FAT2: variants seen among roughly 807,000 people sequenced by gnomAD.
FAT2 encodes protocadherin Fat 2.
A neutral mutation model predicts 295.3 loss-of-function variants in FAT2; 150 were observed. The observed-to-expected ratio is 0.51, with a 90% confidence interval of 0.44 to 0.58. The LOEUF (loss-of-function observed/expected upper bound fraction) is 0.58. FAT2 is among the 20% of genes least tolerant of loss of function. The pLI is 0.00. For missense variants in FAT2, 4,868 were observed against 5,442.7 expected, an observed-to-expected ratio of 0.89 and a Z score of 3.32; for synonymous variants, 2,026 against 2,150.3, an observed-to-expected ratio of 0.94 and a Z score of 1.60.
rs118148786 is a variant in FAT2, at chr5:151,566,112, G to C, written c.2820C>G (p.Pro940=). The C allele has an allele frequency of 6.2e-7, 1 of 1,614,026 alleles. No individual in the cohort carries two copies. Among genetic ancestry groups the C allele is most frequent in the Non-Finnish European group, 8.5e-7 (1 of 1,179,954 alleles). ...CATCCAGAAATGTCAAGACAGTCCC[G>C]GGGGGCAGGTCCTCTGGAACCTTCA... ...NRLKVPEDLP[P]GTVLTFLDAS... is the part of the protein sequence containing the mutation. Residue 940 remains proline, a synonymous_variant, in exon 2 of 24, where the codon CCC becomes CCG. Coordinates refer to ENST00000261800, the MANE Select transcript of FAT2 (RefSeq NM_001447.3).
intron 16 of FAT2, 139 bp from the exon 17 acceptor site, chr5:151,527,516 T>A (rs758038422): frequency 1.5e-5 from 11 of 733,986 alleles, no homozygotes; most frequent in Non-Finnish European, 1.9e-5. Context: ...ACCCGTAGCA[T>A]TTTAGGGCTT....
In FAT2 at chr5:151,531,247, T is replaced by G. The variant is rs1754560174; in HGVS notation, c.9811+340A>C. Among the ~76,000 whole-genome samples the G allele has an allele frequency of 6.6e-6, 1 of 152,182 alleles. No individual in the cohort carries two copies. On this transcript the variant is annotated intron_variant, in intron 14 of 23. Transcript: ENST00000261800. The surrounding 1 kb of genome is among the most constrained non-coding windows in gnomAD (Gnocchi z 5.7). ...CAGATTCCAGCAAGGGCTCCCTGCC[T>G]CTGCAGCCAAGCCGTTTCTGCCTCC... is the stretch of plus-strand genomic sequence containing the variant.
intron 1 of FAT2, among the ~76,000 whole-genome samples, chr5:151,580,038 CTG>C (rs1219989251): frequency 6.6e-6 from 1 of 152,174 alleles, no homozygotes; most frequent in Non-Finnish European, 1.5e-5. Flanking sequence ...AGTCCAAGCT[CTG>C]TTTAATAAAG....
chr5:151,542,195 A>G, intron 10 of FAT2, 90 bp downstream of exon 10: 1 of 1,315,600 alleles, frequency 7.6e-7, no homozygotes, highest in Non-Finnish European at 1.0e-6. Context: ...ATAAGTGGCA[A>G]ATCCAGGACA....
Position 151,521,489 on chromosome 5 carries a change from T to C in FAT2, c.11104A>G (p.Ile3702Val), listed in dbSNP as rs372071431. ...ATCTCCTTGGCTGAGTGAGTGATGA[T>C]GGATGCTAGCTCCTGAAACTCGTAG... ...TFYEFQELAS[I>V]ITHSAKEMEH... Residue 3702 changes from isoleucine to valine, a missense_variant, in exon 19 of 24, where the codon ATC becomes GTC. Physicochemically the swap from Ile to Val is conservative, Grantham distance 29. Transcript: ENST00000261800. 1 of 1,614,230 alleles carries C rather than the reference T, an allele frequency of 6.2e-7. No individual in the cohort carries two copies. Among genetic ancestry groups the C allele is most frequent in the Non-Finnish European group, 8.5e-7 (1 of 1,180,030 alleles).
At chr5:151,534,324 C>A in intron 13 of FAT2, 85 bp downstream of exon 13, 1 of 1,109,560 alleles carries the variant, frequency 9.0e-7, no homozygotes, top group African/African-American at 1.6e-5. Flanking sequence ...CTTACCAGTC[C>A]TAGAGAGACA....
intron 20 of FAT2, among the ~76,000 whole-genome samples, chr5:151,516,526 T>G (rs1406389247): frequency 5.3e-5 from 8 of 151,918 alleles, no homozygotes; most frequent in Admixed American, 5.2e-4. Flanking sequence ...AATAAATAAA[T>G]AAATAAAAAT....
chr5:151,523,038 C>T (rs1449899057), intron 18 of FAT2, among the ~76,000 whole-genome samples: 1 of 152,166 alleles, frequency 6.6e-6, no homozygotes, highest in Non-Finnish European at 1.5e-5. Context: ...GCCTTCTTCT[C>T]CTCAGTGATG....
rs2127564956 is a variant in FAT2 at position 151,507,572 on chromosome 5, G to A, written c.12099C>T (p.Cys4033=). The A allele has an allele frequency of 6.2e-7, 1 of 1,613,608 alleles. No homozygotes were observed. The change falls in exon 23 of 24, where the codon TGC becomes TGT. Residue 4033 remains cysteine (C), a synonymous_variant. Transcript: ENST00000261800. ...MEARGCSEGH[C]LVTPEIQRGD... ...CCCTTTGGATCTCGGGAGTGACTAG[G>A]CAGTGTCCTTCTGAACAACCCCTCG...
Position 151,509,805 on chromosome 5 carries a change from G to A in FAT2, c.12059+216C>T, listed in dbSNP as rs781522118. ...TTGAATCATCCTGAAACCATCTCCC[G>A]TTTCTCCTGCCTGGTCCGTGGAAAA... On this transcript the variant is annotated intron_variant, in intron 22 of 23. Coordinates refer to ENST00000261800, the MANE Select transcript of FAT2 (RefSeq NM_001447.3). 2.8e-4 allele frequency: 151 copies of A among 542,544 alleles called. 1 individual carries two copies. The highest frequency in any genetic ancestry group is 5.0e-4 in the Middle Eastern group (1 of 1,982). 33.6% of individuals were successfully genotyped at this position (542,544 alleles called of 1,614,324 possible). A position where few individuals can be genotyped will look rare whatever the true frequency, so the allele number is the denominator to read the frequency against.
At chr5:151,518,958 C>A (rs1453838736) in intron 19 of FAT2, among the ~76,000 whole-genome samples, 2 of 152,118 alleles carry the variant, frequency 1.3e-5, no homozygotes, top group Admixed American at 1.3e-4. Flanking sequence ...CCTCTAGATA[C>A]CTAGCAAAGA....
intron 18 of FAT2, among the ~76,000 whole-genome samples, chr5:151,523,680 ATC>A (rs1299639779): frequency 1.3e-5 from 2 of 152,120 alleles, no homozygotes; most frequent in Admixed American, 1.3e-4. Flanking sequence ...ATTCTCTCTC[ATC>A]TCTCCCTAGG....
intron 1 of FAT2, among the ~76,000 whole-genome samples, chr5:151,577,098 C>T (rs138219985): frequency 5.2e-4 from 79 of 152,276 alleles, no homozygotes; most frequent in African/African-American, 1.6e-3. Context: ...TGACTGTATA[C>T]GCATCTTTAT....
At chr5:151,517,872 C>T in intron 19 of FAT2, 107 bp from the exon 20 acceptor site, 3 of 1,361,546 alleles carry the variant, frequency 2.2e-6, no homozygotes, top group Non-Finnish European at 2.0e-6. Context: ...AATCATTGCT[C>T]ATATTTTATA....
At chr5:151,556,092 T>G (rs1757670131) in intron 4 of FAT2, among the ~76,000 whole-genome samples, 1 of 152,172 alleles carries the variant, frequency 6.6e-6, no homozygotes, top group Non-Finnish European at 1.5e-5. Context: ...TGCTCCCCTC[T>G]CCTTCACTCC....
rs370985957 is a variant in FAT2 at position 151,534,484 on chromosome 5, A to G, written c.9352T>C (p.Cys3118Arg). 8.7e-6 allele frequency: 14 copies of G among 1,614,054 alleles called. No homozygotes were observed. The African/African-American group carries it at 1.6e-4, about 18-fold the overall frequency. ...DNAPRFFPSHCAVAVFDNTTV... is the reference protein window; with the variant it reads ...DNAPRFFPSHRAVAVFDNTTV... ...GTGTTGTCGAAGACAGCCACAGCAC[A>G]GTGGCTGGGGAAGAACCGCGGGGCA... is the stretch of plus-strand genomic sequence containing the variant. The change falls in exon 13 of 24, where the codon TGT becomes CGT. Residue 3118 changes from cysteine (C) to arginine (R), a missense_variant. Physicochemically the swap from Cys to Arg is radical, Grantham distance 180. Around this residue, in one of 5 missense-constraint regions of FAT2, gnomAD observed 1,046 missense variants for 1,210.1 expected, o/e 0.86. Coordinates refer to ENST00000261800, the MANE Select transcript of FAT2 (RefSeq NM_001447.3).
upstream of FAT2, among the ~76,000 whole-genome samples, chr5:151,591,730 C>T (rs191291249): frequency 5.7e-4 from 86 of 152,188 alleles, no homozygotes; most frequent in East Asian, 4.8e-3. Flanking sequence ...AGATTTGGTT[C>T]GAAACCCTGG....
chr5:151,539,377 T>C (rs1354277922), intron 11 of FAT2, among the ~76,000 whole-genome samples: 1 of 152,242 alleles, frequency 6.6e-6, no homozygotes, highest in African/African-American at 2.4e-5. Flanking sequence ...TCGAAGTTTG[T>C]ATATATGCAA....
chr5:151,514,855 A>T (rs879680564), intron 20 of FAT2, among the ~76,000 whole-genome samples: 4 of 152,074 alleles, frequency 2.6e-5, no homozygotes, highest in Non-Finnish European at 5.9e-5. Flanking sequence ...GGGTCTACTG[A>T]TTCTCCTTCC....
Sources: allele counts gnomAD v4.1 joint callset (sites outside exome capture counted in the v4.1 genomes callset), GRCh38; gene constraint gnomAD v4.1.1; regional missense constraint gnomAD v4.1.1; non-coding constraint Gnocchi (gnomAD v3.1); transcripts MANE v1.5; gene names NCBI Gene and HGNC (gene_info 2026-07-23, HGNC 2026-07-21).